Variants in DNHD1 observed in about 807,000 individuals in gnomAD.
The protein encoded by DNHD1 is dynein heavy chain domain-containing protein 1.
DNHD1 carries 383 observed loss-of-function variants against 458.1 expected under a neutral mutation model. That is an observed-to-expected ratio of 0.84 (90% CI 0.77 to 0.91). The LOEUF is 0.91. Ranked by LOEUF, DNHD1 falls within the 40% of genes least tolerant of loss-of-function variation. The pLI is 0.00. For missense variants in DNHD1, 5,336 were observed against 5,866.1 expected (o/e 0.91, Z 2.95); for synonymous variants, 2,203 against 2,376.9 (o/e 0.93, Z 2.13).
At chr11:6,528,427 G>A in intron 10 of DNHD1, 95 bp from the exon 11 acceptor site, 1 of 1,310,498 alleles carries the variant, frequency 7.6e-7, no homozygotes, top group Non-Finnish European at 1.0e-6. Flanking sequence ...GTGTGTGTGT[G>A]TGTGTGTGTA....
At chr11:6,567,940 A>G in intron 36 of DNHD1, 80 bp downstream of exon 36, 3 of 1,486,492 alleles carry the variant, frequency 2.0e-6, no homozygotes, top group Non-Finnish European at 2.7e-6. Flanking sequence ...AAGCATTTTC[A>G]TGGATCTTTC....
At chr11:6,507,371 A>G (rs1340640247) in intron 4 of DNHD1, among the ~76,000 whole-genome samples, 2 of 152,224 alleles carry the variant, frequency 1.3e-5, no homozygotes, top group Admixed American at 1.3e-4. Context: ...CATTAAATGC[A>G]ATACATATGG....
rs561124343 is a variant in DNHD1 at position 6,502,808 on chromosome 11, G to A, written c.802G>A (p.Gly268Ser). ...AAAGGCCTTCCAAAAGAGCAGCACC[G>A]GCTTTTCACCTGAGACTTCCTTCCT... ...REKAFQKSST[G>S]FSPETSFLDS... Residue 268 changes from glycine to serine, a missense_variant, in exon 4 of 43, where the codon GGC (glycine) becomes AGC (serine). By Grantham distance (56) the Gly-to-Ser change is moderately conservative. This residue lies in a region of DNHD1 where 3,932 missense variants were observed against 4,365.6 expected (regional missense o/e 0.90). Coordinates refer to ENST00000254579, the MANE Select transcript of DNHD1 (RefSeq NM_144666.3). 3.3e-5 allele frequency: 54 copies of A among 1,612,468 alleles called. No homozygotes were observed. In the South Asian group the frequency reaches 4.6e-4, roughly 14 times the overall value.
At chr11:6,503,022 C>T (rs1042979142) in intron 4 of DNHD1, 96 bp downstream of exon 4, 47 of 1,375,920 alleles carry the variant, frequency 3.4e-5, no homozygotes, top group Non-Finnish European at 4.5e-5. Flanking sequence ...CACCCTTCTC[C>T]CTGTCCTTTC....
At chr11:6,514,968 G>A (rs1852428031) in intron 7 of DNHD1, among the ~76,000 whole-genome samples, 3 of 152,178 alleles carry the variant, frequency 2.0e-5, no homozygotes, top group Non-Finnish European at 4.4e-5. Flanking sequence ...AGAGAGGAGA[G>A]AGGAAATCAG....
chr11:6,567,812 T>A lies in DNHD1; in HGVS notation c.12303T>A (p.Thr4101=), dbSNP rs1323476271. The A allele has an allele frequency of 6.2e-7, 1 of 1,613,392 alleles. No homozygotes were observed. Among genetic ancestry groups the A allele is most frequent in the African/African-American group, 1.3e-5 (1 of 75,056 alleles). ...LLPPPGHPSA[T]LHPLTVIQKL... ...CACCGCCTGGCCACCCCTCAGCCACTCTGCATCCTCTGACTGTCATCCAGA... is the reference window on the plus strand; with the variant it reads ...CACCGCCTGGCCACCCCTCAGCCACACTGCATCCTCTGACTGTCATCCAGA... The change falls in exon 36 of 43, where the codon ACT becomes ACA. Residue 4101 remains threonine, a synonymous_variant. Transcript: ENST00000254579.
chr11:6,562,275 C>T (rs910689406), intron 28 of DNHD1, among the ~76,000 whole-genome samples: 11 of 152,240 alleles, frequency 7.2e-5, no homozygotes, highest in African/African-American at 2.4e-4. Flanking sequence ...AAAGAATACA[C>T]AGGAGAGGAG....
chr11:6,548,063 G>A lies in DNHD1; in HGVS notation c.6905+23G>A. On this transcript the variant is annotated intron_variant, in intron 22 of 42. Coordinates refer to ENST00000254579, the MANE Select transcript of DNHD1 (RefSeq NM_144666.3). The surrounding 1 kb of genome is among the most constrained non-coding windows in gnomAD (Gnocchi z 4.4). ...CAGGTACCTACCAGGATGGGGGATG[G>A]GAGATGCAGAGGGCTGAGATGGACT... 1 of 1,551,668 alleles carries A rather than the reference G, an allele frequency of 6.4e-7. No individual in the cohort carries two copies. The highest frequency in any genetic ancestry group is 8.7e-7 in the Non-Finnish European group (1 of 1,146,976).
chr11:6,555,705 C>T (rs1023722851), intron 24 of DNHD1, among the ~76,000 whole-genome samples: 3 of 152,126 alleles, frequency 2.0e-5, no homozygotes, highest in South Asian at 2.1e-4. Context: ...AAGTACATAC[C>T]GTATGATTCT....
In DNHD1 at chr11:6,571,720, A is replaced by G. The variant is rs1853856556; in HGVS notation, c.13996A>G (p.Ile4666Val). ...LQVLHAEWDP[I>V]AGALQDSPSS... Reference sequence around the variant, plus strand: ...GGTCCTACATGCGGAGTGGGACCCAATAGCTGGAGCCTTGCAGGACAGTCC... The same window carrying G: ...GGTCCTACATGCGGAGTGGGACCCAGTAGCTGGAGCCTTGCAGGACAGTCC... The change falls in exon 43 of 43, where the codon ATA (isoleucine) becomes GTA (valine). Residue 4666 changes from isoleucine to valine, a missense_variant. Coordinates refer to ENST00000254579, the MANE Select transcript of DNHD1 (RefSeq NM_144666.3). The surrounding 1 kb of genome is among the most constrained non-coding windows in gnomAD (Gnocchi z 5.0). 15 of 1,612,544 alleles carry G rather than the reference A, an allele frequency of 9.3e-6. No homozygotes were observed. Among genetic ancestry groups the G allele is most frequent in the Non-Finnish European group, 1.3e-5 (15 of 1,179,252 alleles).
In DNHD1 at chr11:6,566,707, G is replaced by T; in HGVS notation, c.11327G>T (p.Arg3776Leu). Residue 3776 changes from arginine (R) to leucine (L), a missense_variant, in exon 35 of 43, where the codon CGC (arginine) becomes CTC (leucine). Physicochemically the swap from Arg to Leu is moderately radical, Grantham distance 102. Transcript: ENST00000254579. ...LCREYPELET[R>L]WQDLKIRALD... ...AGAGAGTATCCTGAACTCGAGACCC[G>T]CTGGCAGGACCTAAAGATCAGAGCC... 6.2e-7 allele frequency: 1 copy of T among 1,612,138 alleles called. No homozygotes were observed. Among genetic ancestry groups the T allele is most frequent in the South Asian group, 1.1e-5 (1 of 90,612 alleles).
At chr11:6,553,984 G>A (rs1853412740) in intron 24 of DNHD1, among the ~76,000 whole-genome samples, 1 of 151,980 alleles carries the variant, frequency 6.6e-6, no homozygotes, top group African/African-American at 2.4e-5. Flanking sequence ...TAAGTTGACA[G>A]TCTTATTCTG....
At position 6,565,891 on chromosome 11, in the gene DNHD1, G is replaced by A. The variant is rs1564823531; in HGVS notation, c.10953G>A (p.Lys3651=). Residue 3651 remains lysine (K), a synonymous_variant, in exon 33 of 43, where the codon AAG becomes AAA. Coordinates refer to ENST00000254579, the MANE Select transcript of DNHD1 (RefSeq NM_144666.3). ...EEEKTESQGS[K]PAYETQLPSL... is the part of the protein sequence containing the mutation. ...AGAAGACAGAGAGCCAGGGGTCAAA[G>A]CCAGCCTATGAGACTCAGCTTCCAT... 6.4e-7 allele frequency: 1 copy of A among 1,551,676 alleles called. No homozygotes were observed. Among genetic ancestry groups the A allele is most frequent in the East Asian group, 2.4e-5 (1 of 40,920 alleles).
Position 6,546,467 on chromosome 11 carries a change from C to T in DNHD1, c.5528C>T (p.Ala1843Val). The stretch of plus-strand genomic sequence containing the variant: ...GTGGCAGAGCTGACTCTGCTGGGTG[C>T]AGGGATGAGGGATGCCTTCCAGATG... Reference protein sequence around the residue: ...RQVAELTLLGAGMRDAFQMAT... With the variant: ...RQVAELTLLGVGMRDAFQMAT... The change falls in exon 21 of 43, where the codon GCA (alanine) becomes GTA (valine). Residue 1843 changes from alanine to valine, a missense_variant. Around this residue, in one of 4 missense-constraint regions of DNHD1, gnomAD observed 3,932 missense variants for 4,365.6 expected, o/e 0.90. Coordinates refer to ENST00000254579, the MANE Select transcript of DNHD1 (RefSeq NM_144666.3). 6.4e-7 allele frequency: 1 copy of T among 1,550,844 alleles called. No homozygotes were observed. Among genetic ancestry groups the T allele is most frequent in the Non-Finnish European group, 8.7e-7 (1 of 1,146,998 alleles).
At chr11:6,530,732 C>T (rs1852810784) in intron 12 of DNHD1, among the ~76,000 whole-genome samples, 1 of 152,170 alleles carries the variant, frequency 6.6e-6, no homozygotes, top group Admixed American at 6.5e-5. Context: ...ACTAAAACTC[C>T]CTCCTCTTGT....
chr11:6,547,891 C>G lies in DNHD1; in HGVS notation c.6756C>G (p.Ala2252=). 1 of 1,551,760 alleles carries G rather than the reference C, an allele frequency of 6.4e-7. No homozygotes were observed. The highest frequency in any genetic ancestry group is 2.0e-5 in the Admixed American group (1 of 50,996). ...PEDLSYSDPV[A]QSFRSSKSSF... is the part of the protein sequence containing the mutation. ...ACCTCAGCTATAGTGATCCTGTGGC[C>G]CAAAGCTTCAGGTCTTCAAAAAGCA... Residue 2252 remains alanine (A), a synonymous_variant, in exon 22 of 43, where the codon GCC becomes GCG. Transcript: ENST00000254579.
In DNHD1 at chr11:6,548,373, A is replaced by T. The variant is rs1853267738; in HGVS notation, c.7069A>T (p.Thr2357Ser). 1 of 1,551,576 alleles carries T rather than the reference A, an allele frequency of 6.4e-7. No individual in the cohort carries two copies. The highest frequency in any genetic ancestry group is 8.7e-7 in the Non-Finnish European group (1 of 1,147,008). Residue 2357 changes from threonine (T) to serine (S), a missense_variant, in exon 23 of 43, where the codon ACT becomes TCT. By Grantham distance (58) the Thr-to-Ser change is moderately conservative. Transcript: ENST00000254579. The surrounding 1 kb of genome is among the most constrained non-coding windows in gnomAD (Gnocchi z 4.4). The stretch of plus-strand genomic sequence containing the variant: ...ATACCTGAGCAGCCACATCAAAGGA[A>T]CTTTGGGCACCTTTCACCCTTCTAT... ...GQYLSSHIKG[T>S]LGTFHPSIQT...
intron 4 of DNHD1, chr11:6,508,635 T>C (rs182032628): frequency 1.1e-4 from 52 of 488,784 alleles, no homozygotes; most frequent in African/African-American, 9.5e-4. Context: ...TTTGAAGATA[T>C]GAACTTCTTG....
At chr11:6,559,140 C>T in intron 27 of DNHD1, 34 bp downstream of exon 27, 2 of 1,551,688 alleles carry the variant, frequency 1.3e-6, no homozygotes, top group Non-Finnish European at 1.7e-6. Flanking sequence ...GTACCTCCTT[C>T]TGCTCCTTTG....
Sources: gnomAD v4.1 joint callset for allele counts (sites outside exome capture counted in the v4.1 genomes callset) on GRCh38, gnomAD v4.1.1 for gene constraint, gnomAD v4.1.1 regional missense constraint, Gnocchi (gnomAD v3.1) non-coding constraint, MANE v1.5 for transcripts, NCBI Gene and HGNC (gene_info 2026-07-23, HGNC 2026-07-21) for gene names.